Variants in FIZ1 observed in about 807,000 individuals in gnomAD.
FIZ1 encodes the protein FLT3 interacting zinc finger 1, also known as flt3-interacting zinc finger protein 1.
FIZ1 carries 2 observed loss-of-function variants against 5.3 expected under a neutral mutation model. The observed-to-expected ratio is 0.37, with a 90% CI of 0.15 to 1.18. The LOEUF (loss-of-function observed/expected upper bound fraction) is 1.18, where lower values mean the gene tolerates loss of function less well. FIZ1 is among the 50% of genes most tolerant of loss of function. FIZ1 has a pLI of 0.37. For synonymous variants in FIZ1, 407 were observed against 364.2 expected, an observed-to-expected ratio of 1.12 and a Z score of -1.34; for missense variants, 631 against 749.7, an observed-to-expected ratio of 0.84 and a Z score of 1.85.
rs199729395 is a variant in FIZ1 at position 55,592,752 on chromosome 19, C to T, written c.1189G>A (p.Glu397Lys). The change falls in exon 3 of 3, where the codon GAA (glutamate) becomes AAA (lysine). Residue 397 changes from glutamate (E) to lysine (K), a missense_variant. This residue lies in a region of FIZ1 where 463 missense variants were observed against 455.1 expected (regional missense o/e 1.02). Coordinates refer to ENST00000221665, the MANE Select transcript of FIZ1 (RefSeq NM_032836.3). The surrounding 1 kb of genome is among the most constrained non-coding windows in gnomAD (Gnocchi z 6.9). ...EEAATAAREREPASGEPPSGS... is the reference protein window; with the variant it reads ...EEAATAARERKPASGEPPSGS... ...GACGGGGGTTCCCCGGACGCCGGTT[C>T]CCTTTCCCGGGCGGCGGTCGCCGCC... is the stretch of plus-strand genomic sequence containing the variant. The T allele has an allele frequency of 4.6e-4, 733 of 1,608,990 alleles. No individual in the cohort carries two copies. The African/African-American group carries it at 8.7e-3, about 19-fold the overall frequency.
chr19:55,596,382 G>A (rs1027811661), intron 2 of FIZ1, among the ~76,000 whole-genome samples: 1 of 152,120 alleles, frequency 6.6e-6, no homozygotes, highest in Non-Finnish European at 1.5e-5. Flanking sequence ...CTTCACCCTG[G>A]TTGTGCAAGT....
rs746833483 is a variant in FIZ1 at position 55,592,830 on chromosome 19, C to T, written c.1111G>A (p.Ala371Thr). The change falls in exon 3 of 3, where the codon GCC becomes ACC. Residue 371 changes from alanine to threonine, a missense_variant. By Grantham distance (58) the Ala-to-Thr change is moderately conservative. This residue lies in a region of FIZ1 where 463 missense variants were observed against 455.1 expected (regional missense o/e 1.02). Coordinates refer to ENST00000221665, the MANE Select transcript of FIZ1 (RefSeq NM_032836.3). This position sits in a 1 kb window ranked among gnomAD's most constrained non-coding sequence, Gnocchi z 6.9. ...GHCGALYAALAALEEHRRVSH... is the reference protein window; with the variant it reads ...GHCGALYAALTALEEHRRVSH... ...ACCCGCCGGTGCTCCTCCAAGGCGG[C>T]CAGCGCCGCGTACAGAGCCCCGCAG... The T allele has an allele frequency of 6.4e-7, 1 of 1,569,612 alleles. No homozygotes were observed.
Position 55,593,195 on chromosome 19 carries a change from G to A in FIZ1, c.746C>T (p.Thr249Met). Reference sequence around the variant, plus strand: ...CGCGCCCGGGCCCTGCAGGTCGTGCGTCAGCTTGTGCCGCTCCAGCAGCGC... The same window carrying A: ...CGCGCCCGGGCCCTGCAGGTCGTGCATCAGCTTGTGCCGCTCCAGCAGCGC... ...APALLERHKL[T>M]HDLQGPGAPP... Residue 249 changes from threonine (T) to methionine (M), a missense_variant, in exon 3 of 3, where the codon ACG becomes ATG. Thr to Met is a moderately conservative substitution (Grantham distance 81). This residue lies in a region of FIZ1 where 463 missense variants were observed against 455.1 expected (regional missense o/e 1.02). Coordinates refer to ENST00000221665, the MANE Select transcript of FIZ1 (RefSeq NM_032836.3). This position sits in a 1 kb window ranked among gnomAD's most constrained non-coding sequence, Gnocchi z 6.3. 3 of 1,198,182 alleles carry A rather than the reference G, an allele frequency of 2.5e-6. No homozygotes were observed. The highest frequency in any genetic ancestry group is 4.6e-5 in the South Asian group (2 of 43,940). The allele number at this position is 1,198,182 out of a possible 1,614,324, so 74.2% of individuals were successfully genotyped here.
At position 55,592,134 on chromosome 19, in the gene FIZ1, C is replaced by T. The variant is rs1207775558; in HGVS notation, c.*316G>A. On this transcript the variant is annotated 3_prime_UTR_variant, in exon 3 of 3. Coordinates refer to ENST00000221665, the MANE Select transcript of FIZ1 (RefSeq NM_032836.3). This position sits in a 1 kb window ranked among gnomAD's most constrained non-coding sequence, Gnocchi z 6.9. Reference sequence around the variant, plus strand: ...GAGAGGTACTTGTGGAGACCCATTGCTCACTGCAAAGTCCCCATGTCTTGG... The same window carrying T: ...GAGAGGTACTTGTGGAGACCCATTGTTCACTGCAAAGTCCCCATGTCTTGG... 8.0e-6 allele frequency: 3 copies of T among 373,302 alleles called. No individual in the cohort carries two copies. Among genetic ancestry groups the T allele is most frequent in the African/African-American group, 4.2e-5 (2 of 47,552 alleles). 23.1% of individuals were successfully genotyped at this position (373,302 alleles called of 1,614,324 possible). A position where few individuals can be genotyped will look rare whatever the true frequency, so the allele number is the denominator to read the frequency against.
At chr19:55,598,471 T>C (rs1402576270) in intron 1 of FIZ1, 1 of 153,424 alleles carries the variant, frequency 6.5e-6, no homozygotes, top group Non-Finnish European at 1.5e-5. Flanking sequence ...TCTTCATCTG[T>C]AAAATGGGAA....
intron 2 of FIZ1, among the ~76,000 whole-genome samples, chr19:55,594,464 G>A (rs1242336679): frequency 3.3e-5 from 5 of 149,616 alleles, no homozygotes; most frequent in Non-Finnish European, 5.9e-5. Flanking sequence ...TTGGGAGGCC[G>A]AGGCGGGCGG....
intron 1 of FIZ1, chr19:55,599,100 A>G (rs1258577010): frequency 2.0e-5 from 3 of 151,114 alleles, no homozygotes; most frequent in Admixed American, 6.6e-5. Context: ...AGACCCTCCC[A>G]TTTTCTATCC....
chr19:55,593,391 A>G lies in FIZ1; in HGVS notation c.550T>C (p.Trp184Arg). 7.1e-7 allele frequency: 1 copy of G among 1,405,600 alleles called. No individual in the cohort carries two copies. Among genetic ancestry groups the G allele is most frequent in the Admixed American group, 3.5e-5 (1 of 28,918 alleles). The allele number at this position is 1,405,600 out of a possible 1,614,324, so 87.1% of individuals were successfully genotyped here. A position where few individuals can be genotyped will look rare whatever the true frequency, so the allele number is the denominator to read the frequency against. ...PEGAGAGLGS[W>R]GLAEAAAAAA... is the part of the protein sequence containing the mutation. ...GCAGCTGCCGCCTCTGCCAGCCCCC[A>G]GCTGCCCAGACCCGCGCCTGCCCCC... The change falls in exon 3 of 3, where the codon TGG (tryptophan) becomes CGG (arginine). Residue 184 changes from tryptophan (W) to arginine (R), a missense_variant. By Grantham distance (101) the Trp-to-Arg change is moderately radical. Around this residue, in one of 4 missense-constraint regions of FIZ1, gnomAD observed 463 missense variants for 455.1 expected, o/e 1.02. Transcript: ENST00000221665. This position sits in a 1 kb window ranked among gnomAD's most constrained non-coding sequence, Gnocchi z 6.3.
rs1185909778 is a variant in FIZ1 at position 55,593,116 on chromosome 19, G to A, written c.825C>T (p.Gly275=). 1 of 1,282,230 alleles carries A rather than the reference G, an allele frequency of 7.8e-7. No individual in the cohort carries two copies. The highest frequency in any genetic ancestry group is 9.9e-7 in the Non-Finnish European group (1 of 1,014,190). 79.4% of individuals were successfully genotyped at this position (1,282,230 alleles called of 1,614,324 possible). Residue 275 remains glycine (G), a synonymous_variant, in exon 3 of 3, where the codon GGC becomes GGT. Transcript: ENST00000221665. The surrounding 1 kb of genome is among the most constrained non-coding windows in gnomAD (Gnocchi z 6.3). ...AGPGAGPETA[G]EGTAAEAGDA... is the part of the protein sequence containing the mutation. Reference sequence around the variant, plus strand: ...CGCCCGCCTCCGCAGCGGTGCCTTCGCCCGCCGTCTCGGGCCCTGCGCCTG... The same window carrying A: ...CGCCCGCCTCCGCAGCGGTGCCTTCACCCGCCGTCTCGGGCCCTGCGCCTG...
intron 2 of FIZ1, among the ~76,000 whole-genome samples, chr19:55,594,187 G>A (rs550931364): frequency 7.2e-5 from 11 of 151,842 alleles, no homozygotes; most frequent in African/African-American, 2.2e-4. Flanking sequence ...TCAAGAGTTC[G>A]AGACCAACCT....
intron 2 of FIZ1, among the ~76,000 whole-genome samples, chr19:55,594,621 C>T (rs1054767149): frequency 7.3e-6 from 1 of 137,062 alleles, no homozygotes; most frequent in African/African-American, 2.7e-5. Flanking sequence ...GGCATGAACC[C>T]GGGAGGCGGA....
At position 55,592,400 on chromosome 19, in the gene FIZ1, G is replaced by A. The variant is rs1288765511; in HGVS notation, c.*50C>T. The A allele has an allele frequency of 7.4e-6, 11 of 1,482,908 alleles. No individual in the cohort carries two copies. The highest frequency in any genetic ancestry group is 9.0e-6 in the Non-Finnish European group (10 of 1,109,088). 91.9% of individuals were successfully genotyped at this position (1,482,908 alleles called of 1,614,324 possible). A position where few individuals can be genotyped will look rare whatever the true frequency, so the allele number is the denominator to read the frequency against. Reference sequence around the variant, plus strand: ...CGCAGTCCCGAGGTCCCCTGGTCCAGGCCGAGTCCAGGAGGCTGGGTGGAG... The same window carrying A: ...CGCAGTCCCGAGGTCCCCTGGTCCAAGCCGAGTCCAGGAGGCTGGGTGGAG... On this transcript the variant is annotated 3_prime_UTR_variant, in exon 3 of 3. Transcript: ENST00000221665. The surrounding 1 kb of genome is among the most constrained non-coding windows in gnomAD (Gnocchi z 6.9).
chr19:55,592,284 T>C lies in FIZ1; in HGVS notation c.*166A>G. 1.4e-6 allele frequency: 1 copy of C among 716,010 alleles called. No individual in the cohort carries two copies. The allele number at this position is 716,010 out of a possible 1,614,324, so 44.4% of individuals were successfully genotyped here. ...TGGTCCCCCAGCTCCGGGGCCTTTG[T>C]GGGTTTTTGGTGGCCCCCACCTCTC... On this transcript the variant is annotated 3_prime_UTR_variant, in exon 3 of 3. Transcript: ENST00000221665. The surrounding 1 kb of genome is among the most constrained non-coding windows in gnomAD (Gnocchi z 6.9).
At chr19:55,597,948 C>T in intron 1 of FIZ1, 47 bp from the exon 2 acceptor site, 1 of 1,476,198 alleles carries the variant, frequency 6.8e-7, no homozygotes, top group African/African-American at 1.4e-5. Flanking sequence ...GTCGGCTCCC[C>T]ATCAGCTCTC....
At position 55,592,755 on chromosome 19, in the gene FIZ1, T is replaced by C. The variant is rs771915169; in HGVS notation, c.1186A>G (p.Arg396Gly). 5.6e-6 allele frequency: 9 copies of C among 1,607,548 alleles called. No homozygotes were observed. The highest frequency in any genetic ancestry group is 7.6e-6 in the Non-Finnish European group (9 of 1,178,246). The change falls in exon 3 of 3, where the codon AGG becomes GGG. Residue 396 changes from arginine (R) to glycine (G), a missense_variant. This residue lies in a region of FIZ1 where 463 missense variants were observed against 455.1 expected (regional missense o/e 1.02). Transcript: ENST00000221665. This position sits in a 1 kb window ranked among gnomAD's most constrained non-coding sequence, Gnocchi z 6.9. ...GEEAATAARE[R>G]EPASGEPPSG... ...GGGGGTTCCCCGGACGCCGGTTCCC[T>C]TTCCCGGGCGGCGGTCGCCGCCTCC...
chr19:55,592,224 G>A lies in FIZ1; in HGVS notation c.*226C>T. 1.8e-6 allele frequency: 1 copy of A among 552,316 alleles called. No individual in the cohort carries two copies. The highest frequency in any genetic ancestry group is 3.2e-6 in the Non-Finnish European group (1 of 317,424). 34.2% of individuals were successfully genotyped at this position (552,316 alleles called of 1,614,324 possible). A position where few individuals can be genotyped will look rare whatever the true frequency, so the allele number is the denominator to read the frequency against. On this transcript the variant is annotated 3_prime_UTR_variant, in exon 3 of 3. Coordinates refer to ENST00000221665, the MANE Select transcript of FIZ1 (RefSeq NM_032836.3). The surrounding 1 kb of genome is among the most constrained non-coding windows in gnomAD (Gnocchi z 6.9). Reference sequence around the variant, plus strand: ...CTCAGGAGTCTCTCCCTAGATTTGGGCTCCCCTGCCCCAGCTAAGGACCCT... The same window carrying A: ...CTCAGGAGTCTCTCCCTAGATTTGGACTCCCCTGCCCCAGCTAAGGACCCT...
Position 55,593,714 on chromosome 19 carries a change from C to A in FIZ1, c.295-68G>T. The A allele has an allele frequency of 7.1e-7, 1 of 1,413,880 alleles. No individual in the cohort carries two copies. The highest frequency in any genetic ancestry group is 1.2e-5 in the South Asian group (1 of 80,446). The allele number at this position is 1,413,880 out of a possible 1,614,324, so 87.6% of individuals were successfully genotyped here. A position where few individuals can be genotyped will look rare whatever the true frequency, so the allele number is the denominator to read the frequency against. ...CTAGCCCGGACAACGGATTCCTGGA[C>A]TCCCAGAGGGTTGTGGCACAAGCTC... On this transcript the variant is annotated intron_variant, in intron 2 of 2. Transcript: ENST00000221665. This position sits in a 1 kb window ranked among gnomAD's most constrained non-coding sequence, Gnocchi z 6.3.
chr19:55,599,346 G>C (rs1042220229), intron 1 of FIZ1, 128 bp downstream of exon 1: 1 of 152,354 alleles, frequency 6.6e-6, no homozygotes, highest in East Asian at 1.9e-4. Flanking sequence ...CGCCCGGTTG[G>C]GGGGCAGGTC....
Position 55,593,237 on chromosome 19 carries a change from C to A in FIZ1, c.704G>T (p.Arg235Leu). Reference sequence around the variant, plus strand: ...CAGCAGCGCGGGCGCGTTGAAGTCGCGCTCGCAGCGCGGGCACTTGAAGGG... The same window carrying A: ...CAGCAGCGCGGGCGCGTTGAAGTCGAGCTCGCAGCGCGGGCACTTGAAGGG... ...VKPFKCPRCE[R>L]DFNAPALLER... is the part of the protein sequence containing the mutation. Residue 235 changes from arginine to leucine, a missense_variant, in exon 3 of 3, where the codon CGC becomes CTC. Coordinates refer to ENST00000221665, the MANE Select transcript of FIZ1 (RefSeq NM_032836.3). The surrounding 1 kb of genome is among the most constrained non-coding windows in gnomAD (Gnocchi z 6.3). The A allele has an allele frequency of 1.6e-6, 2 of 1,248,510 alleles. No individual in the cohort carries two copies. The highest frequency in any genetic ancestry group is 1.9e-5 in the South Asian group (1 of 52,024). 77.3% of individuals were successfully genotyped at this position (1,248,510 alleles called of 1,614,324 possible). A position where few individuals can be genotyped will look rare whatever the true frequency, so the allele number is the denominator to read the frequency against.
Sources: allele counts gnomAD v4.1 joint callset (sites outside exome capture counted in the v4.1 genomes callset), GRCh38; gene constraint gnomAD v4.1.1; regional missense constraint gnomAD v4.1.1; non-coding constraint Gnocchi (gnomAD v3.1); transcripts MANE v1.5; gene names NCBI Gene and HGNC (gene_info 2026-07-23, HGNC 2026-07-21).